Variants in NAALADL2 observed in about 807,000 individuals in gnomAD.
NAALADL2 encodes inactive N-acetylated-alpha-linked acidic dipeptidase-like protein 2.
Under a neutral mutation model 87.2 loss-of-function variants are expected in NAALADL2, and 76 were observed. The observed-to-expected ratio is 0.87, with a 90% CI of 0.72 to 1.05. NAALADL2 has a LOEUF of 1.05. NAALADL2 is among the 50% of genes least tolerant of loss of function. NAALADL2 has a pLI of 0.00. For synonymous variants in NAALADL2, 354 were observed against 331.0 expected (o/e 1.07, Z -0.75); for missense variants, 1,089 against 945.8 (o/e 1.15, Z -1.99).
Position 175,025,318 on chromosome 3 carries a change from A to C in NAALADL2, c.44-71472A>C, listed in dbSNP as rs552597084. Reference sequence around the variant, plus strand: ...TAAAACTGGTCAGCACTGCCTACTAAAAAGCTATTAAATAATGACACAGAA... The same window carrying C: ...TAAAACTGGTCAGCACTGCCTACTACAAAGCTATTAAATAATGACACAGAA... On this transcript the variant is annotated intron_variant, in intron 1 of 13. Coordinates refer to ENST00000454872, the MANE Select transcript of NAALADL2 (RefSeq NM_207015.3). Among the ~76,000 whole-genome samples, 5 of 152,230 alleles carry C rather than the reference A, an allele frequency of 3.3e-5. No homozygotes were observed. The East Asian group carries it at 9.7e-4, about 29-fold the overall frequency.
intron 11 of NAALADL2, among the ~76,000 whole-genome samples, chr3:175,712,699 C>T (rs1336243107): frequency 5.3e-5 from 8 of 152,046 alleles, no homozygotes; most frequent in African/African-American, 1.9e-4. Flanking sequence ...GGAACAGGAA[C>T]ACATCAGACA....
At chr3:175,449,149 G>A (rs1211582025) in intron 6 of NAALADL2, among the ~76,000 whole-genome samples, 7 of 152,124 alleles carry the variant, frequency 4.6e-5, no homozygotes, top group Admixed American at 4.6e-4. Context: ...CATGGTCATG[G>A]TTCACTGCAG....
chr3:175,739,653 A>G (rs1250740070), intron 12 of NAALADL2, among the ~76,000 whole-genome samples: 1 of 152,224 alleles, frequency 6.6e-6, no homozygotes, highest in East Asian at 1.9e-4. Flanking sequence ...TTCATTTAAC[A>G]AATATTTATT....
At position 174,490,074 on chromosome 3, in the gene NAALADL2, CAT is replaced by C. The variant is rs137919532; in HGVS notation, c.-184+49045_-184+49046del. On this transcript the variant is annotated intron_variant, in intron 1 of 3. Coordinates refer to the NAALADL2 transcript ENST00000434257. Reference sequence around the variant, plus strand: ...CTATATATGAAAAAAGAAATGAAAACATATGTCCTCACAAAGTCTTGTACATG... The same window carrying C: ...CTATATATGAAAAAAGAAATGAAAACATGTCCTCACAAAGTCTTGTACATG... Among the ~76,000 whole-genome samples the C allele has an allele frequency of 9.5e-3, 1,449 of 152,128 alleles. 20 individuals carry two copies. Among genetic ancestry groups the C allele is most frequent in the African/African-American group, 0.034 (1,394 of 41,526 alleles).
chr3:175,665,893 T>G (rs905467863), intron 11 of NAALADL2, among the ~76,000 whole-genome samples: 7 of 152,054 alleles, frequency 4.6e-5, no homozygotes, highest in Non-Finnish European at 8.8e-5. Flanking sequence ...ATCGCGCCAC[T>G]GCACTCCAGC....
chr3:175,767,517 G>A (rs572577797), intron 13 of NAALADL2: 1 of 152,016 alleles, frequency 6.6e-6, no homozygotes, highest in Non-Finnish European at 1.5e-5. Context: ...TTCTAAGTTT[G>A]TATGTGCATT....
intron 3 of NAALADL2, among the ~76,000 whole-genome samples, chr3:174,760,372 T>C (rs563689696): frequency 6.6e-6 from 1 of 152,338 alleles, no homozygotes; most frequent in East Asian, 1.9e-4. Context: ...AGTGGTAAAT[T>C]TTCCAGGTCA....
At chr3:175,154,220 A>G (rs1731968306) in intron 2 of NAALADL2, among the ~76,000 whole-genome samples, 1 of 152,172 alleles carries the variant, frequency 6.6e-6, no homozygotes, top group Non-Finnish European at 1.5e-5. Context: ...TGGTACCTTT[A>G]TCACTAGAAA....
At chr3:175,599,154 A>C (rs1722627386) in intron 10 of NAALADL2, among the ~76,000 whole-genome samples, 1 of 152,108 alleles carries the variant, frequency 6.6e-6, no homozygotes, top group East Asian at 1.9e-4. Flanking sequence ...ATTACTGCTA[A>C]TGAATTTACG....
chr3:174,976,534 G>T (rs1744385843), intron 1 of NAALADL2, among the ~76,000 whole-genome samples: 1 of 152,170 alleles, frequency 6.6e-6, no homozygotes, highest in African/African-American at 2.4e-5. Flanking sequence ...TTCTTAAGCT[G>T]AAAATTACCA....
intron 11 of NAALADL2, among the ~76,000 whole-genome samples, chr3:175,644,416 A>G (rs1729712389): frequency 1.3e-5 from 2 of 152,034 alleles, no homozygotes; most frequent in Non-Finnish European, 2.9e-5. Flanking sequence ...TTAATCTACC[A>G]TGATGTTGAT....
intron 9 of NAALADL2, among the ~76,000 whole-genome samples, chr3:175,545,059 A>C (rs1239033578): frequency 1.3e-5 from 2 of 152,196 alleles, no homozygotes; most frequent in Non-Finnish European, 2.9e-5. Context: ...AACAAAATTC[A>C]AGTATTGTCC....
intron 9 of NAALADL2, among the ~76,000 whole-genome samples, chr3:175,531,839 T>G (rs1044394380): frequency 3.3e-5 from 5 of 152,210 alleles, no homozygotes; most frequent in African/African-American, 1.2e-4. Flanking sequence ...GATCCATCTG[T>G]CTTCTGCACA....
chr3:175,126,480 T>G (rs1239392132), intron 2 of NAALADL2, among the ~76,000 whole-genome samples: 1 of 152,118 alleles, frequency 6.6e-6, no homozygotes, highest in Non-Finnish European at 1.5e-5. Context: ...ATTTCAAAAG[T>G]AACTGAACAA....
At chr3:175,310,994 G>GT (rs1758291653) in intron 4 of NAALADL2, among the ~76,000 whole-genome samples, 1 of 142,790 alleles carries the variant, frequency 7.0e-6, no homozygotes, top group Non-Finnish European at 1.5e-5. Context: ...AGGTTTGTAT[G>GT]TTTCCCCCGC....
upstream of NAALADL2, among the ~76,000 whole-genome samples, chr3:174,856,923 A>C (rs1012314311): frequency 2.0e-5 from 3 of 152,132 alleles, no homozygotes; most frequent in Admixed American, 2.0e-4. Flanking sequence ...TATGAACACA[A>C]ATGTGTTCCG....
intron 9 of NAALADL2, among the ~76,000 whole-genome samples, chr3:175,496,964 CTT>C (rs1728904218): frequency 6.6e-6 from 1 of 152,056 alleles, no homozygotes; most frequent in Admixed American, 6.6e-5. Context: ...ATTATTATAA[CTT>C]GACTTTATAG....
At chr3:174,726,195 C>T (rs1161424096) in intron 2 of NAALADL2, among the ~76,000 whole-genome samples, 1 of 152,104 alleles carries the variant, frequency 6.6e-6, no homozygotes, top group African/African-American at 2.4e-5. Flanking sequence ...CTGTATACAT[C>T]TATTAAAAAA....
At chr3:174,900,063 A>T (rs1013611282) in intron 1 of NAALADL2, among the ~76,000 whole-genome samples, 2 of 152,136 alleles carry the variant, frequency 1.3e-5, no homozygotes, top group African/African-American at 4.8e-5. Context: ...AACAAAACAC[A>T]AATATTAAAG....
Sources: gnomAD v4.1 joint callset for allele counts (sites outside exome capture counted in the v4.1 genomes callset) on GRCh38, gnomAD v4.1.1 for gene constraint, MANE v1.5 for transcripts, NCBI Gene and HGNC (gene_info 2026-07-23, HGNC 2026-07-21) for gene names.